The following TNIK variants were observed in gnomAD, a reference collection of about 807,000 sequenced individuals.
The protein encoded by TNIK is TRAF2 and NCK-interacting protein kinase.
A neutral mutation model predicts 191.3 loss-of-function variants in TNIK; 49 were observed. The observed-to-expected ratio is 0.26, with a 90% CI of 0.20 to 0.32. TNIK has a LOEUF of 0.32. Ranked by LOEUF, TNIK falls within the 10% of genes least tolerant of loss-of-function variation. TNIK has a pLI of 1.00. For synonymous variants in TNIK, 594 were observed against 600.9 expected (o/e 0.99, Z 0.17); for missense variants, 1,155 against 1,702.3 (o/e 0.68, Z 5.66).
At chr3:171,347,256 C>T (rs1712373483) in intron 2 of TNIK, 2 of 1,505,144 alleles carry the variant, frequency 1.3e-6, no homozygotes, top group Admixed American at 4.2e-5. Flanking sequence ...AATGACAAAA[C>T]CCTAGCTCAG....
At chr3:171,305,295 C>T (rs1753332674) in intron 2 of TNIK, among the ~76,000 whole-genome samples, 1 of 152,080 alleles carries the variant, frequency 6.6e-6, no homozygotes, top group South Asian at 2.1e-4. Context: ...CTGAAACACT[C>T]TTTTCCCATT....
chr3:171,120,461 C>T (rs1181087729), intron 18 of TNIK, among the ~76,000 whole-genome samples: 2 of 151,816 alleles, frequency 1.3e-5, no homozygotes, highest in Non-Finnish European at 2.9e-5. Context: ...GCTGGGACTA[C>T]AGGCGCCTGC....
intron 18 of TNIK, among the ~76,000 whole-genome samples, chr3:171,122,132 CTTTT>C (rs1487117907): frequency 3.3e-5 from 5 of 152,188 alleles, no homozygotes; most frequent in Non-Finnish European, 7.3e-5. Context: ...ATGGAAATGG[CTTTT>C]TATTTGACTA....
chr3:171,091,088 T>G (rs1408948770), intron 23 of TNIK, among the ~76,000 whole-genome samples: 1 of 152,204 alleles, frequency 6.6e-6, no homozygotes, highest in Non-Finnish European at 1.5e-5. Context: ...GATGGTTAAT[T>G]TTATGTGTCA....
chr3:171,240,959 T>C (rs1744893967), intron 2 of TNIK, among the ~76,000 whole-genome samples: 1 of 152,284 alleles, frequency 6.6e-6, no homozygotes, highest in South Asian at 2.1e-4. Context: ...TCAATCAATA[T>C]GTGCTGTATG....
intron 4 of TNIK, among the ~76,000 whole-genome samples, chr3:171,203,527 CATTTT>C (rs1228951705): frequency 1.3e-5 from 2 of 151,824 alleles, no homozygotes; most frequent in Non-Finnish European, 1.5e-5. Flanking sequence ...ATTTCTAGAT[CATTTT>C]ATTTTTCAAA....
At position 171,231,549 on chromosome 3, in the gene TNIK, C is replaced by T. The variant is rs1026059368; in HGVS notation, c.124-3328G>A. Among the ~76,000 whole-genome samples, 8 of 152,032 alleles carry T rather than the reference C, an allele frequency of 5.3e-5. No individual in the cohort carries two copies. The East Asian group carries it at 5.8e-4, about 11-fold the overall frequency. On this transcript the variant is annotated intron_variant, in intron 2 of 32. Transcript: ENST00000436636. ...TCACTCCCAGGCAAAGGTATCCCCACGCGCTAGAGCAGGAAGGATGCTGAG... is the reference window on the plus strand; with the variant it reads ...TCACTCCCAGGCAAAGGTATCCCCATGCGCTAGAGCAGGAAGGATGCTGAG...
chr3:171,065,905 T>C (rs1718381289), intron 32 of TNIK, among the ~76,000 whole-genome samples: 1 of 152,190 alleles, frequency 6.6e-6, no homozygotes, highest in South Asian at 2.1e-4. Context: ...TCTAAGTGCT[T>C]AGGAGAATTT....
intron 12 of TNIK, among the ~76,000 whole-genome samples, chr3:171,147,440 A>T (rs1731782600): frequency 6.6e-6 from 1 of 152,120 alleles, no homozygotes; most frequent in Admixed American, 6.5e-5. Flanking sequence ...TTCCCATTTA[A>T]CGTTGCTAAA....
chr3:171,240,695 CAA>C (rs900159642), intron 2 of TNIK, among the ~76,000 whole-genome samples: 2 of 152,184 alleles, frequency 1.3e-5, no homozygotes, highest in African/African-American at 2.4e-5. Context: ...TTGAATGGGT[CAA>C]AGAGTCTCAA....
At chr3:171,306,406 T>C (rs1317512903) in intron 2 of TNIK, among the ~76,000 whole-genome samples, 2 of 152,174 alleles carry the variant, frequency 1.3e-5, no homozygotes, top group Non-Finnish European at 2.9e-5. Context: ...AAATATTTCA[T>C]ATGGATATTC....
rs756284288 is a variant in TNIK, at chr3:171,085,165, G to C, written c.2951C>G (p.Thr984Arg). Residue 984 changes from threonine (T) to arginine (R), a missense_variant, in exon 25 of 33, where the codon ACG becomes AGG. Physicochemically the swap from Thr to Arg is moderately conservative, Grantham distance 71. Around this residue, in one of 3 missense-constraint regions of TNIK, gnomAD observed 735 missense variants for 848.0 expected, o/e 0.87. Coordinates refer to ENST00000436636, the MANE Select transcript of TNIK (RefSeq NM_015028.4). The part of the protein sequence containing the change: ...TPFVDPRVYQ[T>R]SPTDEDEEDE... ...CTCTTCATCTTCATCAGTGGGAGAC[G>C]TCTGGTATACTCTGGGGTCCACAAA... The C allele has an allele frequency of 4.3e-6, 7 of 1,611,994 alleles. No homozygotes were observed. Among genetic ancestry groups the C allele is most frequent in the Non-Finnish European group, 5.1e-6 (6 of 1,179,074 alleles).
At chr3:171,064,995 A>G (rs551738621) in intron 32 of TNIK, among the ~76,000 whole-genome samples, 1 of 152,312 alleles carries the variant, frequency 6.6e-6, no homozygotes, top group South Asian at 2.1e-4. Context: ...GGAAAACCAC[A>G]ATGAAGAAAA....
At chr3:171,130,443 T>C (rs530188708) in intron 15 of TNIK, among the ~76,000 whole-genome samples, 20 of 152,328 alleles carry the variant, frequency 1.3e-4, no homozygotes, top group African/African-American at 4.8e-4. Context: ...TGAGATTTGC[T>C]GCAAAAAGCC....
chr3:171,295,490 C>A (rs1752189962), intron 2 of TNIK, among the ~76,000 whole-genome samples: 1 of 152,176 alleles, frequency 6.6e-6, no homozygotes, highest in Non-Finnish European at 1.5e-5. Flanking sequence ...TCCAAGCTGT[C>A]ACATCTCCTG....
At chr3:171,243,227 G>A (rs1016372397) in intron 2 of TNIK, among the ~76,000 whole-genome samples, 5 of 151,978 alleles carry the variant, frequency 3.3e-5, no homozygotes, top group Admixed American at 6.6e-5. Context: ...CCTGCCCAGG[G>A]ATTCACAACA....
chr3:171,262,975 A>G (rs976027005), intron 2 of TNIK, among the ~76,000 whole-genome samples: 17 of 152,192 alleles, frequency 1.1e-4, no homozygotes, highest in African/African-American at 4.1e-4. Context: ...CCCTTTTCAT[A>G]GTGCTGGACA....
chr3:171,110,738 A>G lies in TNIK; in HGVS notation c.2260T>C (p.Ser754Pro). 2 of 1,600,298 alleles carry G rather than the reference A, an allele frequency of 1.2e-6. No homozygotes were observed. Among genetic ancestry groups the G allele is most frequent in the Non-Finnish European group, 1.7e-6 (2 of 1,173,450 alleles). The change falls in exon 19 of 33, where the codon TCC becomes CCC. Residue 754 changes from serine (S) to proline (P), a missense_variant. This residue lies in a region of TNIK where 735 missense variants were observed against 848.0 expected (regional missense o/e 0.87). Coordinates refer to ENST00000436636, the MANE Select transcript of TNIK (RefSeq NM_015028.4). ...CCTCGAACTCTGGTGCGTTCACTGG[A>G]TCCTGCTTGTGATCCAGGCTGGGAG... Reference protein sequence around the residue: ...GGSQPGSQAGSSERTRVRANS... With the variant: ...GGSQPGSQAGPSERTRVRANS...
At position 171,400,002 on chromosome 3, in the gene TNIK, G is replaced by A. The variant is rs191167786; in HGVS notation, c.58-30317C>T. On this transcript the variant is annotated intron_variant, in intron 1 of 32. Transcript: ENST00000436636. Reference sequence around the variant, plus strand: ...CTGTCCACCAATGTTCTGGGAAGCTGGCCCATTGTCAGGATCACAGGACAC... The same window carrying A: ...CTGTCCACCAATGTTCTGGGAAGCTAGCCCATTGTCAGGATCACAGGACAC... Among the ~76,000 whole-genome samples the A allele has an allele frequency of 5.9e-3, 899 of 152,226 alleles. 8 individuals are homozygous for A. Among genetic ancestry groups the A allele is most frequent in the Non-Finnish European group, 7.2e-3 (487 of 68,016 alleles).
Sources: gnomAD v4.1 joint callset for allele counts (sites outside exome capture counted in the v4.1 genomes callset) on GRCh38, gnomAD v4.1.1 for gene constraint, gnomAD v4.1.1 regional missense constraint, MANE v1.5 for transcripts, NCBI Gene and HGNC (gene_info 2026-07-23, HGNC 2026-07-21) for gene names.